ELFN2: variants seen among roughly 807,000 people sequenced by gnomAD.
ELFN2 encodes protein phosphatase 1 regulatory subunit 29.
A neutral mutation model predicts 45.5 loss-of-function variants in ELFN2; 17 were observed. The ratio of observed to expected loss-of-function variants is 0.37; its 90% confidence interval spans 0.26 to 0.56. The LOEUF (loss-of-function observed/expected upper bound fraction) is 0.56, where lower values mean the gene tolerates loss of function less well. ELFN2 is among the 20% of genes least tolerant of loss of function. ELFN2 has a pLI of 0.77. For missense variants in ELFN2, 922 were observed against 1,183.2 expected, an observed-to-expected ratio of 0.78 and a Z score of 3.24; for synonymous variants, 550 against 551.5, an observed-to-expected ratio of 1.00 and a Z score of 0.04.
chr22:37,382,552 TTTTTTTTTTTA>T (rs202035084), intron 2 of ELFN2, among the ~76,000 whole-genome samples: 2,210 of 64,750 alleles, frequency 0.034, 57 homozygotes, highest in African/African-American at 0.14. Context: ...TTTTTTTTTT[TTTTTTTTTTTA>T]AAAACAGACT....
At chr22:37,388,135 T>C (rs557506729) in intron 2 of ELFN2, among the ~76,000 whole-genome samples, 1 of 152,068 alleles carries the variant, frequency 6.6e-6, no homozygotes, top group South Asian at 2.1e-4. Flanking sequence ...AGATGAACTT[T>C]CTAGAACATC....
intron 2 of ELFN2, among the ~76,000 whole-genome samples, chr22:37,400,384 CCTGAGGA>C (rs1932332766): frequency 5.3e-5 from 8 of 152,216 alleles, no homozygotes; most frequent in African/African-American, 1.9e-4. Flanking sequence ...CACACCTGTG[CCTGAGGA>C]GCACCTCAGC....
intron 1 of ELFN2, among the ~76,000 whole-genome samples, chr22:37,350,354 G>T (rs1311165286): frequency 1.4e-5 from 2 of 142,002 alleles, no homozygotes; most frequent in Middle Eastern, 3.4e-3. Context: ...GCCTGAGAAG[G>T]TCCCTCTGGT....
chr22:37,392,222 G>A lies in ELFN2; in HGVS notation c.-462-16226C>T, dbSNP rs560142869. ...TGTGTTTGTGAGATGCTCACAGTGA[G>A]CCCACCCTTGTTAAGGGATTCTCTC... On this transcript the variant is annotated intron_variant, in intron 2 of 2. Transcript: ENST00000402918. Among the ~76,000 whole-genome samples, 7 of 152,192 alleles carry A rather than the reference G, an allele frequency of 4.6e-5. No individual in the cohort carries two copies. In the East Asian group the frequency reaches 1.2e-3, roughly 25 times the overall value.
chr22:37,424,947 G>GC (rs570611592), intron 1 of ELFN2, among the ~76,000 whole-genome samples: 5,252 of 151,476 alleles, frequency 0.035, 149 homozygotes, highest in African/African-American at 0.069. Context: ...ATCAGCACCC[G>GC]CCCCCCACAA....
At position 37,343,993 on chromosome 22, in the gene ELFN2, C is replaced by T. The variant is rs375692273; in HGVS notation, n.149-1290G>A. Among the ~76,000 whole-genome samples the T allele has an allele frequency of 2.5e-3, 379 of 151,558 alleles. 18 individuals carry two copies. The South Asian group carries it at 0.076, about 30-fold the overall frequency. On this transcript the variant is annotated intron_variant and non_coding_transcript_variant, in intron 1 of 2. Coordinates refer to ENST00000452946, the Ensembl canonical transcript of ELFN2. ...GCCGAGGGCTTACAGCACTGCTCGCCCACCTGCCCATGCCCCCCTGCCTAT... is the reference window on the plus strand; with the variant it reads ...GCCGAGGGCTTACAGCACTGCTCGCTCACCTGCCCATGCCCCCCTGCCTAT...
At chr22:37,394,013 C>T (rs1932147956) in intron 2 of ELFN2, among the ~76,000 whole-genome samples, 1 of 152,214 alleles carries the variant, frequency 6.6e-6, no homozygotes, top group South Asian at 2.1e-4. Context: ...CTCCACCTAA[C>T]ATGCACACCA....
At chr22:37,346,445 C>T (rs1930698595) in intron 1 of ELFN2, among the ~76,000 whole-genome samples, 1 of 152,070 alleles carries the variant, frequency 6.6e-6, no homozygotes, top group Non-Finnish European at 1.5e-5. Context: ...TGCTCTGTCC[C>T]CACCCTACAC....
chr22:37,363,402 AG>A (rs1931131552), downstream of ELFN2, among the ~76,000 whole-genome samples: 1 of 152,182 alleles, frequency 6.6e-6, no homozygotes, highest in Non-Finnish European at 1.5e-5. Flanking sequence ...TATCTAAATC[AG>A]GGGAGGCGAG....
Position 37,372,943 on chromosome 22 carries a change from C to A in ELFN2, c.*129G>T, listed in dbSNP as rs936116199. 2.4e-5 allele frequency: 24 copies of A among 1,016,828 alleles called. No individual in the cohort carries two copies. Among genetic ancestry groups the A allele is most frequent in the East Asian group, 5.3e-5 (2 of 38,066 alleles). The allele number at this position is 1,016,828 out of a possible 1,614,324, so 63.0% of individuals were successfully genotyped here. A position where few individuals can be genotyped will look rare whatever the true frequency, so the allele number is the denominator to read the frequency against. On this transcript the variant is annotated 3_prime_UTR_variant, in exon 3 of 3. Coordinates refer to ENST00000402918, the MANE Select transcript of ELFN2 (RefSeq NM_052906.5). This position sits in a 1 kb window ranked among gnomAD's most constrained non-coding sequence, Gnocchi z 4.4. ...AGGTGTGTGTGTGCGTGCGTGCGTGCGGGTCTGCATGTGCGTCCTCTCCTG... is the reference window on the plus strand; with the variant it reads ...AGGTGTGTGTGTGCGTGCGTGCGTGAGGGTCTGCATGTGCGTCCTCTCCTG...
In ELFN2 at chr22:37,372,875, C is replaced by T. The variant is rs1227478000; in HGVS notation, c.*197G>A. The T allele has an allele frequency of 6.7e-6, 4 of 596,156 alleles. No homozygotes were observed. The highest frequency in any genetic ancestry group is 1.2e-5 in the Non-Finnish European group (4 of 346,172). The allele number at this position is 596,156 out of a possible 1,614,324, so 36.9% of individuals were successfully genotyped here. On this transcript the variant is annotated 3_prime_UTR_variant, in exon 3 of 3. Coordinates refer to ENST00000402918, the MANE Select transcript of ELFN2 (RefSeq NM_052906.5). This position sits in a 1 kb window ranked among gnomAD's most constrained non-coding sequence, Gnocchi z 4.4. ...GAAAATGTGTCTCTGTTTTCCTGTC[C>T]GTTATTGTCGGATGTTGGTTTGTTC...
At chr22:37,424,040 T>A (rs890516020) in intron 1 of ELFN2, among the ~76,000 whole-genome samples, 1 of 152,090 alleles carries the variant, frequency 6.6e-6, no homozygotes, top group Non-Finnish European at 1.5e-5. Context: ...CTAAGAAGCG[T>A]CAGGTTTCGA....
chr22:37,397,832 G>C (rs535258641), intron 2 of ELFN2, among the ~76,000 whole-genome samples: 1 of 152,170 alleles, frequency 6.6e-6, no homozygotes, highest in Non-Finnish European at 1.5e-5. Flanking sequence ...GGCGTTCTGG[G>C]AGGCTGTGGG....
chr22:37,389,312 C>A (rs1286242176), intron 2 of ELFN2, among the ~76,000 whole-genome samples: 1 of 152,074 alleles, frequency 6.6e-6, no homozygotes, highest in Non-Finnish European at 1.5e-5. Flanking sequence ...GGCCCTAGAA[C>A]CCCTCTCTCC....
At chr22:37,399,080 T>C (rs532052159) in intron 2 of ELFN2, among the ~76,000 whole-genome samples, 1 of 152,080 alleles carries the variant, frequency 6.6e-6, no homozygotes, top group Non-Finnish European at 1.5e-5. Context: ...CTCCCCAGAC[T>C]CCTGGATCCT....
At chr22:37,396,788 T>C (rs1932224437) in intron 2 of ELFN2, among the ~76,000 whole-genome samples, 1 of 152,168 alleles carries the variant, frequency 6.6e-6, no homozygotes, top group Non-Finnish European at 1.5e-5. Flanking sequence ...CGCTCGGTCA[T>C]GGTCACCACT....
chr22:37,375,404 G>A lies in ELFN2; in HGVS notation c.131C>T (p.Pro44Leu), dbSNP rs748161058. 3.1e-6 allele frequency: 5 copies of A among 1,614,128 alleles called. No homozygotes were observed. The highest frequency in any genetic ancestry group is 3.4e-6 in the Non-Finnish European group (4 of 1,180,020). Reference sequence around the variant, plus strand: ...GTGCTGCGGGATGGTCTCGTAGGGCGGCTGGTTCTGGCTGCAGATGGCCAG... The same window carrying A: ...GTGCTGCGGGATGGTCTCGTAGGGCAGCTGGTTCTGGCTGCAGATGGCCAG... ...VWLAICSQNQ[P>L]PYETIPQHIN... Residue 44 changes from proline to leucine, a missense_variant, in exon 3 of 3, where the codon CCG becomes CTG. Physicochemically the swap from Pro to Leu is moderately conservative, Grantham distance 98 (BLOSUM62 -3). This residue lies in a region of ELFN2 where 358 missense variants were observed against 540.4 expected (regional missense o/e 0.66). Transcript: ENST00000402918.
chr22:37,402,419 C>A (rs1178574951), intron 2 of ELFN2, among the ~76,000 whole-genome samples: 2 of 152,232 alleles, frequency 1.3e-5, no homozygotes, highest in East Asian at 3.8e-4. Flanking sequence ...CCTACACAGA[C>A]CAGACGTGCG....
At chr22:37,406,395 A>C (rs999288019) in intron 2 of ELFN2, among the ~76,000 whole-genome samples, 6 of 152,190 alleles carry the variant, frequency 3.9e-5, no homozygotes, top group Admixed American at 2.0e-4. Context: ...ATCACACCCC[A>C]GAGGGCTGCA....
Sources: gnomAD v4.1 joint callset for allele counts (sites outside exome capture counted in the v4.1 genomes callset) on GRCh38, gnomAD v4.1.1 for gene constraint, gnomAD v4.1.1 regional missense constraint, Gnocchi (gnomAD v3.1) non-coding constraint, MANE v1.5 for transcripts, NCBI Gene and HGNC (gene_info 2026-07-23, HGNC 2026-07-21) for gene names.